The following TKT variants were observed in gnomAD, a reference collection of about 807,000 sequenced individuals.
TKT encodes epididymis luminal protein 107.
Under a neutral mutation model 63.9 loss-of-function variants are expected in TKT, and 47 were observed. That is an observed-to-expected ratio of 0.74 (90% CI 0.58 to 0.94). The LOEUF (loss-of-function observed/expected upper bound fraction) is 0.94, where lower values mean the gene tolerates loss of function less well. Ranked by LOEUF, TKT falls within the 40% of genes least tolerant of loss-of-function variation. TKT has a pLI of 0.00. For synonymous variants in TKT, 338 were observed against 334.1 expected (o/e 1.01, Z -0.13); for missense variants, 721 against 846.2 (o/e 0.85, Z 1.84).
rs575470511 is a variant in TKT at position 53,229,723 on chromosome 3, G to A, written c.1108-287C>T. Reference sequence around the variant, plus strand: ...CAGTTCCAAACCAGCTGCCCTTCAAGGCTCCAAAATCTGCCAGCCAACACA... The same window carrying A: ...CAGTTCCAAACCAGCTGCCCTTCAAAGCTCCAAAATCTGCCAGCCAACACA... On this transcript the variant is annotated intron_variant, in intron 8 of 13. Transcript: ENST00000462138. 3.3e-5 allele frequency among the ~76,000 whole-genome samples: 5 copies of A among 152,068 alleles called. No individual in the cohort carries two copies. In the South Asian group the frequency reaches 1.0e-3, roughly 32 times the overall value.
chr3:53,226,225 C>G (rs1170893090), intron 13 of TKT: 2 of 340,918 alleles, frequency 5.9e-6, no homozygotes, highest in Non-Finnish European at 1.1e-5. Flanking sequence ...CGGCCCAGAA[C>G]TATTTTTATA....
At chr3:53,238,475 A>C (rs1241160347) in intron 4 of TKT, among the ~76,000 whole-genome samples, 2 of 152,168 alleles carry the variant, frequency 1.3e-5, no homozygotes, top group Non-Finnish European at 2.9e-5. Flanking sequence ...TTGGAGAGCC[A>C]GTCCTGGGGA....
intron 6 of TKT, 172 bp from the exon 7 acceptor site, chr3:53,231,722 G>A: frequency 3.1e-6 from 2 of 650,822 alleles, no homozygotes; most frequent in East Asian, 2.7e-5. Flanking sequence ...GAGGGTCGCA[G>A]TGAATAGGAT....
intron 4 of TKT, among the ~76,000 whole-genome samples, chr3:53,237,571 CAT>C (rs1439546575): frequency 6.6e-6 from 1 of 150,618 alleles, no homozygotes; most frequent in East Asian, 2.0e-4. Context: ...CTCATGATAA[CAT>C]GGACAAAATA....
chr3:53,225,303 A>AC lies in TKT; in HGVS notation c.*452dup, dbSNP rs1704451936. On this transcript the variant is annotated 3_prime_UTR_variant, in exon 14 of 14. Coordinates refer to ENST00000462138, the MANE Select transcript of TKT (RefSeq NM_001064.4). ...GAGACCTGACTGCAAGGCTGTGGGG[A>AC]CTTGGGGGAGGTGGGGCGGCCCTGA... 6.8e-6 allele frequency: 1 copy of AC among 148,064 alleles called. No individual in the cohort carries two copies. Among genetic ancestry groups the AC allele is most frequent in the Non-Finnish European group, 1.5e-5 (1 of 66,550 alleles). 9.2% of individuals were successfully genotyped at this position (148,064 alleles called of 1,614,324 possible).
At chr3:53,228,020 G>A (rs369541308) in intron 12 of TKT, 36 bp downstream of exon 12, 68 of 1,581,082 alleles carry the variant, frequency 4.3e-5, no homozygotes, top group South Asian at 5.5e-5. Flanking sequence ...TGCAGTGGCC[G>A]CTCAGTTGAT....
chr3:53,226,516 T>TA (rs1575557741), intron 13 of TKT: 1 of 533,150 alleles, frequency 1.9e-6, no homozygotes, highest in East Asian at 3.5e-5. Context: ...GAGGTTGGAA[T>TA]CCTCACCAGC....
At position 53,231,412 on chromosome 3, in the gene TKT, AC is replaced by A. The variant is rs1344656224; in HGVS notation, c.886del (p.Val296TrpfsTer20). The A allele has an allele frequency of 6.2e-7, 1 of 1,613,942 alleles. No individual in the cohort carries two copies. Among genetic ancestry groups the A allele is most frequent in the African/African-American group, 1.3e-5 (1 of 74,936 alleles). On this transcript the variant is annotated frameshift_variant, in exon 7 of 14. Coordinates refer to ENST00000462138, the MANE Select transcript of TKT (RefSeq NM_001064.4). LOFTEE classifies it high-confidence loss of function. The part of the protein sequence containing the change: ...ATPPQEDAPS[V>X]DIANIRMPSL... ...GGGCATGCGGATGTTGGCAATGTCCACTGAGGGTGCGTCCTCCTGTGGAGGG... is the reference window on the plus strand; with the variant it reads ...GGGCATGCGGATGTTGGCAATGTCCATGAGGGTGCGTCCTCCTGTGGAGGG...
At chr3:53,248,650 C>G (rs1472128880) in intron 1 of TKT, among the ~76,000 whole-genome samples, 1 of 149,360 alleles carries the variant, frequency 6.7e-6, no homozygotes, top group Non-Finnish European at 1.5e-5. Context: ...AAAAAAGGAA[C>G]AAAGTACTGA....
chr3:53,247,033 A>G (rs1553681009), intron 1 of TKT, among the ~76,000 whole-genome samples: 1 of 151,794 alleles, frequency 6.6e-6, no homozygotes, highest in Non-Finnish European at 1.5e-5. Flanking sequence ...TGACAAGAGT[A>G]CATCATTTAT....
chr3:53,228,156 G>A lies in TKT; in HGVS notation c.1480-7C>T, dbSNP rs1243918350. The stretch of plus-strand genomic sequence containing the variant: ...CCTTGCTCTTCAGGACCACCTGGGG[G>A]TGACACAGAGGGTGAGTAAGGCTCA... On this transcript the variant is annotated splice_region_variant and splice_polypyrimidine_tract_variant and intron_variant, in intron 11 of 13. Transcript: ENST00000462138. 6.2e-6 allele frequency: 10 copies of A among 1,613,972 alleles called. No homozygotes were observed. The African/African-American group carries it at 9.3e-5, about 15-fold the overall frequency.
In TKT at chr3:53,231,550, C is replaced by T; in HGVS notation, c.749G>A (p.Gly250Glu). The T allele has an allele frequency of 1.2e-6, 2 of 1,613,124 alleles. No individual in the cohort carries two copies. The highest frequency in any genetic ancestry group is 1.7e-5 in the Admixed American group (1 of 59,924). ...AKTFKGRGITGVEDKESWHGK... is the reference protein window; with the variant it reads ...AKTFKGRGITEVEDKESWHGK... ...ATGCCAAGACTCCTTATCTTCTACC[C>T]CTGCAGACCCAACACGGGAGGACAG... is the stretch of plus-strand genomic sequence containing the variant. The change falls in exon 7 of 14, where the codon GGG becomes GAG. Residue 250 changes from glycine (G) to glutamate (E), a missense_variant and splice_region_variant. By Grantham distance (98) the Gly-to-Glu change is moderately conservative. Transcript: ENST00000462138.
chr3:53,233,431 G>A (rs1704866414), intron 5 of TKT, 157 bp from the exon 6 acceptor site: 1 of 506,896 alleles, frequency 2.0e-6, no homozygotes, highest in Non-Finnish European at 3.4e-6. Flanking sequence ...CAACATTCCT[G>A]TTTCCAGTTT....
intron 1 of TKT, chr3:53,243,652 C>T (rs146972334): frequency 3.5e-5 from 16 of 456,072 alleles, no homozygotes; most frequent in East Asian, 2.8e-4. Context: ...ACATGGTAAA[C>T]GAGAAACCCT....
In TKT at chr3:53,225,918, C is replaced by T. The variant is rs1704479816; in HGVS notation, c.1710G>A (p.Glu570=). Residue 570 remains glutamate (E), a synonymous_variant, in exon 14 of 14, where the codon GAG becomes GAA. Transcript: ENST00000462138. ...CGCCCACTACTGCACTGGACACAGC[C>T]TCACCAATGCCACCTAGAAATGAAA... ...EDHYYEGGIG[E]AVSSAVVGEP... The T allele has an allele frequency of 1.3e-5, 21 of 1,608,972 alleles. No homozygotes were observed. The highest frequency in any genetic ancestry group is 1.8e-5 in the Non-Finnish European group (21 of 1,177,158).
chr3:53,230,732 C>T, intron 7 of TKT, 111 bp from the exon 8 acceptor site: 1 of 1,327,178 alleles, frequency 7.5e-7, no homozygotes, highest in Non-Finnish European at 1.0e-6. Context: ...AAATGGAAGC[C>T]CTGGAGCACA....
At position 53,235,053 on chromosome 3, in the gene TKT, G is replaced by A; in HGVS notation, c.559C>T (p.Leu187=). 6.2e-7 allele frequency: 1 copy of A among 1,614,042 alleles called. No homozygotes were observed. The highest frequency in any genetic ancestry group is 8.5e-7 in the Non-Finnish European group (1 of 1,180,020). Residue 187 remains leucine, a synonymous_variant, in exon 5 of 14, where the codon CTG becomes TTG. Coordinates refer to ENST00000462138, the MANE Select transcript of TKT (RefSeq NM_001064.4). ...AGTGGGGCCGGGTCACTCTGGCCCAGGCGATTGATGTCTAGAATGGCCACA... is the reference window on the plus strand; with the variant it reads ...AGTGGGGCCGGGTCACTCTGGCCCAAGCGATTGATGTCTAGAATGGCCACA... ...NLVAILDINR[L]GQSDPAPLQH...
Position 53,229,083 on chromosome 3 carries a change from A to G in TKT, c.1319T>C (p.Val440Ala), listed in dbSNP as rs782409473. ...ALEDLAMFRSVPTSTVFYPSD... is the reference protein window; with the variant it reads ...ALEDLAMFRSAPTSTVFYPSD... ...TGGGTAAAAGACAGTTGATGTGGGG[A>G]CTGACCGAAACATAGCCAGATCTTC... is the stretch of plus-strand genomic sequence containing the variant. The change falls in exon 10 of 14, where the codon GTC becomes GCC. Residue 440 changes from valine to alanine, a missense_variant. Coordinates refer to ENST00000462138, the MANE Select transcript of TKT (RefSeq NM_001064.4). 4 of 1,614,072 alleles carry G rather than the reference A, an allele frequency of 2.5e-6. No homozygotes were observed. Among genetic ancestry groups the G allele is most frequent in the African/African-American group, 1.3e-5 (1 of 74,992 alleles).
At chr3:53,229,755 C>T (rs556641301) in intron 8 of TKT, among the ~76,000 whole-genome samples, 2 of 152,248 alleles carry the variant, frequency 1.3e-5, no homozygotes, top group East Asian at 3.9e-4. Context: ...CACAAGGCCT[C>T]TTTCCCTAGT....
Sources: gnomAD v4.1 joint callset for allele counts (sites outside exome capture counted in the v4.1 genomes callset) on GRCh38, gnomAD v4.1.1 for gene constraint, MANE v1.5 for transcripts, NCBI Gene and HGNC (gene_info 2026-07-23, HGNC 2026-07-21) for gene names.